Variants in CR1 observed in about 807,000 individuals in gnomAD.
CR1 encodes complement receptor type 1.
A neutral mutation model predicts 187.3 loss-of-function variants in CR1; 116 were observed. That is an observed-to-expected ratio of 0.62 (90% CI 0.53 to 0.72). The LOEUF (loss-of-function observed/expected upper bound fraction) is 0.72, where lower values mean the gene tolerates loss of function less well. CR1 is among the 30% of genes least tolerant of loss of function. The probability of loss-of-function intolerance (pLI) is 0.00; values close to 1 mark genes in which losing one functional copy is unlikely to be tolerated. For missense variants in CR1, 1,731 were observed against 2,110.7 expected (o/e 0.82, Z 3.52); for synonymous variants, 576 against 747.1 (o/e 0.77, Z 3.73).
chr1:207,606,031 G>T (rs1203047776), intron 35 of CR1: 1 of 152,194 alleles, frequency 6.6e-6, no homozygotes, highest in African/African-American at 2.4e-5. Context: ...AACATAGATA[G>T]TAGTTTACTT....
rs1387456374 is a variant in CR1 at position 207,640,910 on chromosome 1, G to A, written c.*1501G>A. The A allele has an allele frequency of 3.3e-5, 5 of 152,064 alleles. No homozygotes were observed. The East Asian group carries it at 5.8e-4, about 18-fold the overall frequency. 9.4% of individuals were successfully genotyped at this position (152,064 alleles called of 1,614,324 possible). ...TTTCAATTTAAAATCATGGAAGAGA[G>A]GGAAAAAAAACCAGCTTAAGAAAAA... On this transcript the variant is annotated 3_prime_UTR_variant, in exon 47 of 47. Coordinates refer to ENST00000367049, the MANE Select transcript of CR1 (RefSeq NM_000651.6).
chr1:207,631,235 G>A (rs1662637337), intron 46 of CR1, among the ~76,000 whole-genome samples: 1 of 152,170 alleles, frequency 6.6e-6, no homozygotes, highest in African/African-American at 2.4e-5. Flanking sequence ...TATCAAAAGT[G>A]GTATGTATCA....
chr1:207,502,743 C>T (rs1417876478), intron 1 of CR1, among the ~76,000 whole-genome samples: 1 of 152,198 alleles, frequency 6.6e-6, no homozygotes, highest in African/African-American at 2.4e-5. Flanking sequence ...GGAGCATCAT[C>T]CTTTGCTTCA....
chr1:207,497,261 A>T (rs1028114105), intron 1 of CR1, among the ~76,000 whole-genome samples: 1 of 152,176 alleles, frequency 6.6e-6, no homozygotes, highest in African/African-American at 2.4e-5. Context: ...TATTATGGAA[A>T]TTTTGAGGCC....
intron 32 of CR1, among the ~76,000 whole-genome samples, chr1:207,583,433 A>C (rs930246119): frequency 7.2e-5 from 11 of 152,184 alleles, no homozygotes; most frequent in African/African-American, 2.7e-4. Flanking sequence ...AGGAGTTTTC[A>C]TGTAAAGAGA....
At chr1:207,589,376 T>C (rs1661202050) in intron 35 of CR1, among the ~76,000 whole-genome samples, 1 of 152,156 alleles carries the variant, frequency 6.6e-6, no homozygotes, top group African/African-American at 2.4e-5. Flanking sequence ...GGCCTGACTG[T>C]TAGAAGATAA....
intron 4 of CR1, among the ~76,000 whole-genome samples, chr1:207,515,755 T>C (rs185137186): frequency 6.5e-4 from 99 of 152,330 alleles, no homozygotes; most frequent in African/African-American, 2.3e-3. Context: ...AGAAGTTCTT[T>C]AAATATTCTC....
intron 5 of CR1, among the ~76,000 whole-genome samples, chr1:207,525,797 C>A (rs1558228768): frequency 1.3e-5 from 2 of 151,850 alleles, no homozygotes; most frequent in African/African-American, 2.4e-5. Context: ...TTGATTAGTC[C>A]AGGGAAACAC....
At chr1:207,510,826 T>C (rs1449007266) in intron 3 of CR1, among the ~76,000 whole-genome samples, 2 of 142,508 alleles carry the variant, frequency 1.4e-5, no homozygotes, top group African/African-American at 5.8e-5. Context: ...CTTTTTACTT[T>C]CTTTTTTTTT....
At chr1:207,584,076 T>C (rs989631242) in intron 32 of CR1, among the ~76,000 whole-genome samples, 4 of 152,184 alleles carry the variant, frequency 2.6e-5, no homozygotes, top group Non-Finnish European at 4.4e-5. Context: ...TTGAAACACA[T>C]ACAGGAGTAC....
rs773158798 is a variant in CR1, at chr1:207,623,026, T to C, written c.7310T>C (p.Leu2437Pro). 42 of 1,580,794 alleles carry C rather than the reference T, an allele frequency of 2.7e-5. 2 individuals carry two copies. In the East Asian group the frequency reaches 5.2e-4, roughly 20 times the overall value. The change falls in exon 45 of 47, where the codon CTC becomes CCC. Residue 2437 changes from leucine to proline, a missense_variant. By Grantham distance (98) the Leu-to-Pro change is moderately conservative. This residue lies in a region of CR1 where 1,312 missense variants were observed against 1,379.6 expected (regional missense o/e 0.95). Transcript: ENST00000367049. Reference sequence around the variant, plus strand: ...TCTGGTACGATCTTCTTTATTTTACTCATCATTTTCCTCTCTTGGATAATT... The same window carrying C: ...TCTGGTACGATCTTCTTTATTTTACCCATCATTTTCCTCTCTTGGATAATT... ...TLSGTIFFILLIIFLSWIILK... is the reference protein window; with the variant it reads ...TLSGTIFFILPIIFLSWIILK...
chr1:207,526,343 G>A (rs1391757246), intron 5 of CR1, among the ~76,000 whole-genome samples: 1 of 151,728 alleles, frequency 6.6e-6, no homozygotes, highest in Admixed American at 6.6e-5. Flanking sequence ...CATGGGCAGG[G>A]GCACTCCTTT....
At chr1:207,519,336 C>T (rs1372401129) in intron 4 of CR1, among the ~76,000 whole-genome samples, 1 of 151,842 alleles carries the variant, frequency 6.6e-6, no homozygotes, top group Non-Finnish European at 1.5e-5. Flanking sequence ...AATATAGTTA[C>T]TGATATAAAG....
In CR1 at chr1:207,582,016, A is replaced by G; in HGVS notation, c.5302+13A>G. On this transcript the variant is annotated intron_variant, in intron 32 of 46. Transcript: ENST00000367049. ...CCTGTGTGTGAACGTGAGTAGATGG[A>G]ATACTTGTTCAGTCTGGATCTTTCT... The G allele has an allele frequency of 6.3e-7, 1 of 1,582,276 alleles. No homozygotes were observed. The highest frequency in any genetic ancestry group is 8.7e-7 in the Non-Finnish European group (1 of 1,152,614).
chr1:207,622,236 G>A (rs908302850), intron 44 of CR1, among the ~76,000 whole-genome samples: 1 of 152,094 alleles, frequency 6.6e-6, no homozygotes, highest in Non-Finnish European at 1.5e-5. Flanking sequence ...TACTATCTTT[G>A]AACCATTACA....
At chr1:207,505,818 G>A in intron 1 of CR1, 86 bp from the exon 2 acceptor site, 3 of 1,451,000 alleles carry the variant, frequency 2.1e-6, no homozygotes, top group Non-Finnish European at 2.8e-6. Context: ...CCTGGGTGAT[G>A]GAGCCAGTCT....
In CR1 at chr1:207,600,868, G is replaced by T. The variant is rs1661584557; in HGVS notation, c.5811-6383G>T. ...CAGCTTCAACAACCTGTAATGGTAAGCCTTACATTATTTATCTTCTTAATT... is the reference window on the plus strand; with the variant it reads ...CAGCTTCAACAACCTGTAATGGTAATCCTTACATTATTTATCTTCTTAATT... On this transcript the variant is annotated intron_variant, in intron 35 of 46. Transcript: ENST00000367049. The T allele has an allele frequency of 2.0e-5, 3 of 152,066 alleles. No individual in the cohort carries two copies. The South Asian group carries it at 6.2e-4, about 32-fold the overall frequency. The allele number at this position is 152,066 out of a possible 1,614,324, so 9.4% of individuals were successfully genotyped here. A position where few individuals can be genotyped will look rare whatever the true frequency, so the allele number is the denominator to read the frequency against.
chr1:207,592,711 A>T lies in CR1; in HGVS notation c.5810+3937A>T, dbSNP rs1661309286. Among the ~76,000 whole-genome samples, 3 of 152,208 alleles carry T rather than the reference A, an allele frequency of 2.0e-5. No homozygotes were observed. The South Asian group carries it at 6.2e-4, about 31-fold the overall frequency. ...TTAGAAAACCCCATTATCTCAGCTT[A>T]AAATATCCGTAATCTGATAAGCAAC... On this transcript the variant is annotated intron_variant, in intron 35 of 46. Transcript: ENST00000367049.
chr1:207,515,096 T>C (rs1263442789), intron 4 of CR1, among the ~76,000 whole-genome samples: 2 of 147,994 alleles, frequency 1.4e-5, no homozygotes, highest in Non-Finnish European at 3.0e-5. Flanking sequence ...TGTATGTATA[T>C]GTGTATATAT....
Sources: gnomAD v4.1 joint callset for allele counts (sites outside exome capture counted in the v4.1 genomes callset) on GRCh38, gnomAD v4.1.1 for gene constraint, gnomAD v4.1.1 regional missense constraint, MANE v1.5 for transcripts, NCBI Gene and HGNC (gene_info 2026-07-23, HGNC 2026-07-21) for gene names.